ARID1B: variants seen among roughly 807,000 people sequenced by gnomAD.
The protein encoded by ARID1B is AT-rich interactive domain-containing protein 1B.
A neutral mutation model predicts 212.3 loss-of-function variants in ARID1B; 30 were observed. The ratio of observed to expected loss-of-function variants is 0.14; its 90% CI spans 0.11 to 0.19. ARID1B has a LOEUF of 0.19. Ranked by LOEUF, ARID1B falls within the 10% of genes least tolerant of loss-of-function variation. The probability of loss-of-function intolerance (pLI) is 1.00; values close to 1 mark genes in which losing one functional copy is unlikely to be tolerated. For missense variants in ARID1B, 2,891 were observed against 3,204.0 expected (o/e 0.90, Z 2.36); for synonymous variants, 1,402 against 1,301.7 (o/e 1.08, Z -1.66).
chr6:157,129,038 C>T (rs1374140465), intron 6 of ARID1B, among the ~76,000 whole-genome samples: 1 of 152,216 alleles, frequency 6.6e-6, no homozygotes, highest in Admixed American at 6.5e-5. Flanking sequence ...AAAACTTGTT[C>T]ATCCCAGCTG....
chr6:156,928,597 C>T (rs991568137), intron 3 of ARID1B, among the ~76,000 whole-genome samples: 12 of 152,136 alleles, frequency 7.9e-5, no homozygotes, highest in Admixed American at 7.2e-4. Context: ...AGCAGGGGGC[C>T]ACATGGAGTC....
intron 1 of ARID1B, among the ~76,000 whole-genome samples, chr6:156,794,570 CTTTTTTT>C (rs34848808): frequency 4.4e-5 from 3 of 67,972 alleles, no homozygotes; most frequent in South Asian, 1.2e-3. Context: ...CTGGCACATT[CTTTTTTT>C]TTTTTTTTTT....
intron 7 of ARID1B, among the ~76,000 whole-genome samples, chr6:157,146,011 T>C (rs185375301): frequency 1.7e-4 from 26 of 152,278 alleles, no homozygotes; most frequent in South Asian, 4.1e-4. Context: ...CTCCTCCTTA[T>C]GGACAGGATA....
chr6:156,901,457 C>G lies in ARID1B; in HGVS notation c.2068C>G (p.Pro690Ala), dbSNP rs751317747. ...QQPYYSQQPQ[P>A]PHLPPQAQYL... is the part of the protein sequence containing the mutation. The stretch of plus-strand genomic sequence containing the variant: ...GCCATATTACAGCCAGCAGCCGCAG[C>G]CCCCGCACCTCCCACCCCAGGCGCA... The change falls in exon 3 of 20, where the codon CCC becomes GCC. Residue 690 changes from proline (P) to alanine (A), a missense_variant. By Grantham distance (27) the Pro-to-Ala change is conservative. This residue lies in a region of ARID1B where 1,643 missense variants were observed against 1,544.0 expected (regional missense o/e 1.06). Transcript: ENST00000636930. The G allele has an allele frequency of 2.5e-6, 4 of 1,614,068 alleles. No homozygotes were observed. Among genetic ancestry groups the G allele is most frequent in the Non-Finnish European group, 3.4e-6 (4 of 1,180,034 alleles).
At chr6:156,810,465 C>T (rs1562402153) in intron 1 of ARID1B, among the ~76,000 whole-genome samples, 1 of 152,180 alleles carries the variant, frequency 6.6e-6, no homozygotes, top group African/African-American at 2.4e-5. Context: ...TTCTGTCTTC[C>T]TTGTAAAGCG....
chr6:156,949,037 C>G (rs968818554), intron 4 of ARID1B, among the ~76,000 whole-genome samples: 5 of 152,194 alleles, frequency 3.3e-5, no homozygotes, highest in Non-Finnish European at 5.9e-5. Context: ...ATTCAGGTGG[C>G]ATTGAGTCAC....
rs1001674190 is a variant in ARID1B, at chr6:157,203,346, C to G, written c.5264-520C>G. Among the ~76,000 whole-genome samples, 6 of 152,192 alleles carry G rather than the reference C, an allele frequency of 3.9e-5. No homozygotes were observed. Among genetic ancestry groups the G allele is most frequent in the African/African-American group, 1.2e-4 (5 of 41,444 alleles). On this transcript the variant is annotated intron_variant, in intron 18 of 19. Coordinates refer to ENST00000636930, the MANE Select transcript of ARID1B (RefSeq NM_001374828.1). The surrounding 1 kb of genome is among the most constrained non-coding windows in gnomAD (Gnocchi z 4.4). ...ACAGCATGTTCTGAGGGCAGGAGCA[C>G]AGGACTAGAGGAAAGCAGCCTGGGA...
intron 3 of ARID1B, among the ~76,000 whole-genome samples, chr6:156,917,919 T>G (rs1237122169): frequency 6.6e-6 from 1 of 152,170 alleles, no homozygotes; most frequent in Non-Finnish European, 1.5e-5. Flanking sequence ...TCAGACATCT[T>G]TTTGGTCAGC....
At chr6:157,204,862 C>T (rs867948881) in intron 19 of ARID1B, 13 of 152,194 alleles carry the variant, frequency 8.5e-5, no homozygotes, top group Middle Eastern at 3.2e-3. Context: ...CACTTAATTT[C>T]CTTGCTTCTA....
At chr6:157,166,437 C>G (rs569059259) in intron 8 of ARID1B, 1 of 152,326 alleles carries the variant, frequency 6.6e-6, no homozygotes, top group African/African-American at 2.4e-5. Flanking sequence ...GTAAAAAGCC[C>G]AACCAACAAG....
At chr6:156,975,622 T>C (rs1049698053) in intron 4 of ARID1B, among the ~76,000 whole-genome samples, 2 of 150,186 alleles carry the variant, frequency 1.3e-5, no homozygotes, top group Middle Eastern at 3.2e-3. Context: ...TCTTTTTTTT[T>C]TTTTTTTTCA....
At chr6:156,802,107 CA>C (rs1162891642) in intron 1 of ARID1B, among the ~76,000 whole-genome samples, 5 of 152,180 alleles carry the variant, frequency 3.3e-5, no homozygotes, top group African/African-American at 7.2e-5. Flanking sequence ...CTCTCCTACC[CA>C]ATTTTTCACA....
chr6:156,987,635 C>A (rs538837655), intron 4 of ARID1B, among the ~76,000 whole-genome samples: 1 of 152,304 alleles, frequency 6.6e-6, no homozygotes, highest in Non-Finnish European at 1.5e-5. Context: ...CGGCCCAGTG[C>A]TAGTTTTGTG....
At chr6:157,072,499 T>G (rs910164746) in intron 4 of ARID1B, 1 of 152,252 alleles carries the variant, frequency 6.6e-6, no homozygotes, top group Non-Finnish European at 1.5e-5. Context: ...ATATAATCTT[T>G]ATAATGTTTA....
intron 4 of ARID1B, among the ~76,000 whole-genome samples, chr6:156,991,793 T>C (rs1007003630): frequency 6.6e-6 from 1 of 152,224 alleles, no homozygotes; most frequent in Non-Finnish European, 1.5e-5. Context: ...CATTTCAGTA[T>C]TTCAAAAGTT....
In ARID1B at chr6:156,849,691, A is replaced by G. The variant is rs995572085; in HGVS notation, c.1986+20270A>G. On this transcript the variant is annotated intron_variant, in intron 2 of 19. Coordinates refer to ENST00000636930, the MANE Select transcript of ARID1B (RefSeq NM_001374828.1). ...AGATGGAAGGGGCAAAAGAAGAAAAAGACAAATATTTGGGTGCTTTTCTGT... is the reference window on the plus strand; with the variant it reads ...AGATGGAAGGGGCAAAAGAAGAAAAGGACAAATATTTGGGTGCTTTTCTGT... Among the ~76,000 whole-genome samples, 4 of 152,030 alleles carry G rather than the reference A, an allele frequency of 2.6e-5. No homozygotes were observed. The South Asian group carries it at 8.3e-4, about 32-fold the overall frequency.
chr6:156,939,615 TG>T (rs1332127373), intron 4 of ARID1B: 1 of 152,242 alleles, frequency 6.6e-6, no homozygotes, highest in African/African-American at 2.4e-5. Context: ...TGGCATTGAA[TG>T]GCTCTCGGGG....
At chr6:157,197,605 T>G (rs1793815106) in intron 16 of ARID1B, among the ~76,000 whole-genome samples, 1 of 152,234 alleles carries the variant, frequency 6.6e-6, no homozygotes, top group Non-Finnish European at 1.5e-5. Context: ...CAATATTTAC[T>G]TGTGATATAT....
At chr6:157,103,040 A>G (rs1044116085) in intron 5 of ARID1B, among the ~76,000 whole-genome samples, 1 of 152,216 alleles carries the variant, frequency 6.6e-6, no homozygotes. Context: ...GTCTGTGGCT[A>G]CTTTTGAACT....
Sources: allele counts gnomAD v4.1 joint callset (sites outside exome capture counted in the v4.1 genomes callset), GRCh38; gene constraint gnomAD v4.1.1; regional missense constraint gnomAD v4.1.1; non-coding constraint Gnocchi (gnomAD v3.1); transcripts MANE v1.5; gene names NCBI Gene and HGNC (gene_info 2026-07-23, HGNC 2026-07-21).